Variants in FBXW7 observed in about 807,000 individuals in gnomAD.
The protein encoded by FBXW7 is F-box/WD repeat-containing protein 7.
FBXW7 carries 11 observed loss-of-function variants against 86.3 expected under a neutral mutation model. The ratio of observed to expected loss-of-function variants is 0.13; its 90% CI spans 0.08 to 0.21. The LOEUF (loss-of-function observed/expected upper bound fraction) is 0.21, where lower values mean the gene tolerates loss of function less well. Among genes scored for constraint, FBXW7 ranks in the 10% least tolerant of loss-of-function variants. The pLI is 1.00. For missense variants in FBXW7, 488 were observed against 847.4 expected, an observed-to-expected ratio of 0.58 and a Z score of 5.27; for synonymous variants, 313 against 297.9, an observed-to-expected ratio of 1.05 and a Z score of -0.52.
At chr4:152,399,297 A>C (rs1686628346) in intron 4 of FBXW7, among the ~76,000 whole-genome samples, 1 of 152,186 alleles carries the variant, frequency 6.6e-6, no homozygotes, top group African/African-American at 2.4e-5. Flanking sequence ...TTAGCAAACT[A>C]GGAATAGAGG....
intron 2 of FBXW7, among the ~76,000 whole-genome samples, chr4:152,492,021 C>G (rs1189960697): frequency 6.6e-6 from 1 of 152,134 alleles, no homozygotes; most frequent in Non-Finnish European, 1.5e-5. Flanking sequence ...CAAGAAGGCC[C>G]CTTATGCACC....
At chr4:152,509,299 T>C (rs1218000427) in intron 2 of FBXW7, among the ~76,000 whole-genome samples, 1 of 152,136 alleles carries the variant, frequency 6.6e-6, no homozygotes, top group Non-Finnish European at 1.5e-5. Flanking sequence ...AGATGTTAAA[T>C]TTTGGGAACT....
chr4:152,445,696 C>T (rs1741308076), intron 2 of FBXW7, among the ~76,000 whole-genome samples: 1 of 151,990 alleles, frequency 6.6e-6, no homozygotes, highest in South Asian at 2.1e-4. Flanking sequence ...TCACTTGAGG[C>T]CAGGAGTTAG....
chr4:152,420,694 C>T (rs181845917), intron 2 of FBXW7, among the ~76,000 whole-genome samples: 2 of 152,190 alleles, frequency 1.3e-5, no homozygotes, highest in East Asian at 3.9e-4. Flanking sequence ...CTTGGGTTAC[C>T]AGGTGCATTG....
chr4:152,334,191 G>A (rs1729849454), intron 7 of FBXW7, among the ~76,000 whole-genome samples: 1 of 152,130 alleles, frequency 6.6e-6, no homozygotes, highest in Non-Finnish European at 1.5e-5. Flanking sequence ...AAAACTTTTT[G>A]TGAAATAATT....
chr4:152,332,614 C>T lies in FBXW7; in HGVS notation c.967G>A (p.Glu323Lys). 4.4e-6 allele frequency: 7 copies of T among 1,604,122 alleles called. No individual in the cohort carries two copies. Among genetic ancestry groups the T allele is most frequent in the Non-Finnish European group, 6.0e-6 (7 of 1,173,584 alleles). Residue 323 changes from glutamate to lysine, a missense_variant, in exon 8 of 14, where the codon GAG becomes AAG. Physicochemically the swap from Glu to Lys is moderately conservative, Grantham distance 56. This residue lies in a region of FBXW7 where 57 missense variants were observed against 62.8 expected (regional missense o/e 0.91). Transcript: ENST00000281708. ...ACCTTACCCTCTTCTTTGCATTTCT[C>T]TCTCCAGAGAAGGTTGTCTTCAGCC... is the stretch of plus-strand genomic sequence containing the variant. ...ILAEDNLLWR[E>K]KCKEEGIDEP...
At chr4:152,419,493 A>AC (rs1738745433) in intron 2 of FBXW7, among the ~76,000 whole-genome samples, 2 of 88,676 alleles carry the variant, frequency 2.3e-5, no homozygotes, top group Admixed American at 1.3e-4. Flanking sequence ...AGGATAAGGT[A>AC]AACACACACA....
intron 2 of FBXW7, among the ~76,000 whole-genome samples, chr4:152,435,148 C>G (rs1037524980): frequency 5.3e-5 from 8 of 150,866 alleles, no homozygotes; most frequent in African/African-American, 2.0e-4. Flanking sequence ...CGTAAGTATG[C>G]ATTTCTTATA....
chr4:152,386,103 G>C (rs1735505687), intron 4 of FBXW7, among the ~76,000 whole-genome samples: 1 of 152,028 alleles, frequency 6.6e-6, no homozygotes, highest in Non-Finnish European at 1.5e-5. Context: ...CTAATTCCAT[G>C]TGTTCAAGAA....
intron 2 of FBXW7, among the ~76,000 whole-genome samples, chr4:152,464,014 G>A (rs535826410): frequency 6.6e-6 from 1 of 152,302 alleles, no homozygotes; most frequent in South Asian, 2.1e-4. Flanking sequence ...GATGAAAAGT[G>A]AAAAGACAAA....
chr4:152,322,048 A>C lies in FBXW7; in HGVS notation c.*833T>G, dbSNP rs960129205. 2 of 233,042 alleles carry C rather than the reference A, an allele frequency of 8.6e-6. No individual in the cohort carries two copies. Among genetic ancestry groups the C allele is most frequent in the African/African-American group, 4.4e-5 (2 of 45,296 alleles). 14.4% of individuals were successfully genotyped at this position (233,042 alleles called of 1,614,324 possible). A position where few individuals can be genotyped will look rare whatever the true frequency, so the allele number is the denominator to read the frequency against. Reference sequence around the variant, plus strand: ...GACTAAAACGTCACAGCAGAAAAAAAATAAAAAAAAATAATTTGCTTTTTT... The same window carrying C: ...GACTAAAACGTCACAGCAGAAAAAACATAAAAAAAAATAATTTGCTTTTTT... On this transcript the variant is annotated 3_prime_UTR_variant, in exon 14 of 14. Coordinates refer to ENST00000281708, the MANE Select transcript of FBXW7 (RefSeq NM_001349798.2).
intron 2 of FBXW7, among the ~76,000 whole-genome samples, chr4:152,420,553 G>A (rs1738844726): frequency 6.6e-6 from 1 of 152,152 alleles, no homozygotes; most frequent in African/African-American, 2.4e-5. Context: ...ACAGCCTTAA[G>A]AAATATATTT....
intron 4 of FBXW7, among the ~76,000 whole-genome samples, chr4:152,356,622 C>T (rs1407120675): frequency 2.6e-5 from 4 of 152,138 alleles, no homozygotes; most frequent in Non-Finnish European, 5.9e-5. Context: ...TTCAAAATTT[C>T]AACATCAATG....
intron 2 of FBXW7, among the ~76,000 whole-genome samples, chr4:152,457,582 T>G (rs1220014989): frequency 1.4e-5 from 2 of 146,442 alleles, no homozygotes; most frequent in Non-Finnish European, 3.0e-5. Context: ...AGGCGGAGCT[T>G]GCAGTGAGCT....
At chr4:152,525,569 T>C (rs1364902265) in intron 2 of FBXW7, among the ~76,000 whole-genome samples, 3 of 152,218 alleles carry the variant, frequency 2.0e-5, no homozygotes, top group African/African-American at 4.8e-5. Context: ...TTTCTGTTCC[T>C]GCATTAGTGT....
At chr4:152,475,009 G>A (rs1028985824) in intron 2 of FBXW7, among the ~76,000 whole-genome samples, 1 of 151,978 alleles carries the variant, frequency 6.6e-6, no homozygotes, top group African/African-American at 2.4e-5. Context: ...GGCTGAAGTG[G>A]GAGAATCACT....
At chr4:152,523,530 T>C (rs1001666310) in intron 2 of FBXW7, among the ~76,000 whole-genome samples, 2 of 152,084 alleles carry the variant, frequency 1.3e-5, no homozygotes, top group African/African-American at 4.8e-5. Context: ...TGATGTGAAA[T>C]ACAAGTTTTG....
intron 11 of FBXW7, among the ~76,000 whole-genome samples, 195 bp from the exon 12 acceptor site, chr4:152,326,426 GTT>G (rs1729026965): frequency 6.6e-6 from 1 of 150,734 alleles, no homozygotes; most frequent in Non-Finnish European, 1.5e-5. Context: ...GGAATGGGAA[GTT>G]GGGAAGCCTA....
At chr4:152,497,939 T>A (rs1040108865) in intron 2 of FBXW7, among the ~76,000 whole-genome samples, 1 of 152,068 alleles carries the variant, frequency 6.6e-6, no homozygotes, top group African/African-American at 2.4e-5. Context: ...TATGAACACA[T>A]CTAGAAAAAA....
Sources: allele counts gnomAD v4.1 joint callset (sites outside exome capture counted in the v4.1 genomes callset), GRCh38; gene constraint gnomAD v4.1.1; regional missense constraint gnomAD v4.1.1; transcripts MANE v1.5; gene names NCBI Gene and HGNC (gene_info 2026-07-23, HGNC 2026-07-21).